The following KATNAL2 variants were observed in gnomAD, a reference collection of about 807,000 sequenced individuals.
The protein encoded by KATNAL2 is katanin p60 ATPase-containing subunit A-like 2.
Under a neutral mutation model 76.3 loss-of-function variants are expected in KATNAL2, and 52 were observed. The ratio of observed to expected loss-of-function variants is 0.68; its 90% CI spans 0.55 to 0.86. The LOEUF is 0.86. Among genes scored for constraint, KATNAL2 ranks in the 40% least tolerant of loss-of-function variants. The probability of loss-of-function intolerance (pLI) is 0.00; values close to 1 mark genes in which losing one functional copy is unlikely to be tolerated. For synonymous variants in KATNAL2, 243 were observed against 244.2 expected, an observed-to-expected ratio of 1.00 and a Z score of 0.05; for missense variants, 660 against 668.9, an observed-to-expected ratio of 0.99 and a Z score of 0.15.
chr18:46,946,554 G>T lies in KATNAL2; in HGVS notation c.-20+8G>T. 5 of 985,446 alleles carry T rather than the reference G, an allele frequency of 5.1e-6. No homozygotes were observed. Among genetic ancestry groups the T allele is most frequent in the Non-Finnish European group, 6.0e-6 (5 of 829,926 alleles). The allele number at this position is 985,446 out of a possible 1,614,324, so 61.0% of individuals were successfully genotyped here. A position where few individuals can be genotyped will look rare whatever the true frequency, so the allele number is the denominator to read the frequency against. ...TCAAGGACAAATATTATGGTACATGGCCCTGGGTCAGCTTGTATTTTAGAA... is the reference window on the plus strand; with the variant it reads ...TCAAGGACAAATATTATGGTACATGTCCCTGGGTCAGCTTGTATTTTAGAA... On this transcript the variant is annotated splice_region_variant and intron_variant, in intron 2 of 17. Transcript: ENST00000683218.
At chr18:47,034,387 C>G in intron 3 of KATNAL2, 2 of 1,614,050 alleles carry the variant, frequency 1.2e-6, no homozygotes, top group Non-Finnish European at 8.5e-7. Flanking sequence ...GGCAGGGACA[C>G]GCTGGCCGCT....
intron 4 of KATNAL2, among the ~76,000 whole-genome samples, chr18:47,049,715 T>C (rs2061280587): frequency 6.6e-6 from 1 of 152,176 alleles, no homozygotes; most frequent in South Asian, 2.1e-4. Flanking sequence ...AGGGTTTTGT[T>C]ATTGTGGTTG....
chr18:47,092,139 G>C (rs1427179400), intron 15 of KATNAL2, among the ~76,000 whole-genome samples: 1 of 152,118 alleles, frequency 6.6e-6, no homozygotes, highest in Admixed American at 6.5e-5. Flanking sequence ...CACATGGCAG[G>C]CAGTAAATAC....
chr18:46,954,607 G>A (rs900110085), intron 3 of KATNAL2, among the ~76,000 whole-genome samples: 2 of 150,610 alleles, frequency 1.3e-5, no homozygotes, highest in Admixed American at 6.6e-5. Context: ...GGGATTACAG[G>A]TGTGAGCCCC....
intron 8 of KATNAL2, among the ~76,000 whole-genome samples, chr18:47,062,586 T>C (rs899786698): frequency 2.6e-5 from 4 of 152,214 alleles, no homozygotes; most frequent in Admixed American, 2.6e-4. Flanking sequence ...GGTGAACGTG[T>C]ATCACAATCC....
At chr18:47,065,985 A>G (rs2061779117) in intron 10 of KATNAL2, among the ~76,000 whole-genome samples, 1 of 151,638 alleles carries the variant, frequency 6.6e-6, no homozygotes, top group Admixed American at 6.6e-5. Context: ...AAAAATAAAT[A>G]AAAATTTAAA....
chr18:46,941,573 A>G (rs897317092), intron 1 of KATNAL2, among the ~76,000 whole-genome samples: 1 of 152,140 alleles, frequency 6.6e-6, no homozygotes, highest in Non-Finnish European at 1.5e-5. Flanking sequence ...CTTGAGCTCT[A>G]TTTTCGTATC....
intron 3 of KATNAL2, among the ~76,000 whole-genome samples, chr18:47,039,949 A>G (rs1263901266): frequency 2.0e-5 from 3 of 152,226 alleles, no homozygotes; most frequent in Non-Finnish European, 4.4e-5. Flanking sequence ...AAATGGGACC[A>G]GTCAGTGTCC....
intron 6 of KATNAL2, among the ~76,000 whole-genome samples, chr18:47,055,917 A>T (rs776641987): frequency 6.6e-6 from 1 of 152,224 alleles, no homozygotes; most frequent in Non-Finnish European, 1.5e-5. Flanking sequence ...TAAAAGTTGA[A>T]TAGCAAATGG....
rs73954227 is a variant in KATNAL2 at position 47,093,029 on chromosome 18, T to C, written c.1212-6214T>C. On this transcript the variant is annotated intron_variant, in intron 15 of 17. Transcript: ENST00000683218. Reference sequence around the variant, plus strand: ...TTCTATTTTCTTTTAATGTCTTACATTGCTGTTGAGAAGTCTTATTGATCC... The same window carrying C: ...TTCTATTTTCTTTTAATGTCTTACACTGCTGTTGAGAAGTCTTATTGATCC... 5.5e-3 allele frequency among the ~76,000 whole-genome samples: 838 copies of C among 152,364 alleles called. 9 individuals carry two copies. The highest frequency in any genetic ancestry group is 0.019 in the African/African-American group (803 of 41,594).
chr18:47,056,301 T>G (rs1396930171), intron 6 of KATNAL2, among the ~76,000 whole-genome samples: 1 of 152,192 alleles, frequency 6.6e-6, no homozygotes, highest in African/African-American at 2.4e-5. Flanking sequence ...GGGCCAACAG[T>G]GTGACATGAG....
In KATNAL2 at chr18:47,074,409, G is replaced by A. The variant is rs1271536314; in HGVS notation, c.1009-868G>A. On this transcript the variant is annotated intron_variant, in intron 13 of 17. Coordinates refer to ENST00000683218, the MANE Select transcript of KATNAL2 (RefSeq NM_001387690.1). ...TTCTGTGATGGTTTGCTAGTGCTAA[G>A]TGACATGGAGAATAAATCCCCCATG... Among the ~76,000 whole-genome samples, 5 of 152,280 alleles carry A rather than the reference G, an allele frequency of 3.3e-5. No individual in the cohort carries two copies. The East Asian group carries it at 7.7e-4, about 23-fold the overall frequency.
chr18:47,076,380 T>TG (rs1388166756), intron 14 of KATNAL2: 1 of 152,206 alleles, frequency 6.6e-6, no homozygotes, highest in African/African-American at 2.4e-5. Context: ...CTCTGCTTTC[T>TG]ATACCAGGCC....
chr18:46,924,149 C>G (rs1168950362), intron 1 of KATNAL2, among the ~76,000 whole-genome samples: 3 of 152,112 alleles, frequency 2.0e-5, no homozygotes, highest in African/African-American at 7.2e-5. Flanking sequence ...AAGTCCTTGC[C>G]CATGCCTATG....
chr18:46,945,185 A>G (rs945334201), intron 1 of KATNAL2, among the ~76,000 whole-genome samples: 3 of 152,360 alleles, frequency 2.0e-5, no homozygotes, highest in Admixed American at 2.0e-4. Context: ...AAAATCATTG[A>G]CAGGTGTTCA....
rs565275306 is a variant in KATNAL2 at position 47,101,221 on chromosome 18, C to T, written c.*216C>T. The T allele has an allele frequency of 7.7e-4, 399 of 520,060 alleles. 3 individuals carry two copies. Among genetic ancestry groups the T allele is most frequent in the African/African-American group, 7.2e-3 (379 of 52,748 alleles). The allele number at this position is 520,060 out of a possible 1,614,324, so 32.2% of individuals were successfully genotyped here. A position where few individuals can be genotyped will look rare whatever the true frequency, so the allele number is the denominator to read the frequency against. ...AAATATTGAGAGTTTCAGTTACATA[C>T]ATATATGTGCTATTGGGTCATACAA... On this transcript the variant is annotated 3_prime_UTR_variant, in exon 18 of 18. Transcript: ENST00000683218.
chr18:47,035,389 G>T, intron 3 of KATNAL2: 13 of 1,531,180 alleles, frequency 8.5e-6, no homozygotes, highest in South Asian at 1.3e-5. Flanking sequence ...CTCGGGATGT[G>T]GAGTCACAGC....
intron 15 of KATNAL2, among the ~76,000 whole-genome samples, chr18:47,087,403 T>C (rs993902667): frequency 1.3e-5 from 2 of 152,162 alleles, no homozygotes; most frequent in African/African-American, 2.4e-5. Context: ...TGTGGGAACA[T>C]GGATGAAGCT....
intron 2 of KATNAL2, 91 bp downstream of exon 2, chr18:46,946,637 C>G (rs1464402002): frequency 1.2e-6 from 1 of 836,150 alleles, no homozygotes; most frequent in East Asian, 1.2e-4. Flanking sequence ...ACAATCTTCC[C>G]TCTTCGATCT....
Sources: gnomAD v4.1 joint callset for allele counts (sites outside exome capture counted in the v4.1 genomes callset) on GRCh38, gnomAD v4.1.1 for gene constraint, MANE v1.5 for transcripts, NCBI Gene and HGNC (gene_info 2026-07-23, HGNC 2026-07-21) for gene names.